CHST9: variants seen among roughly 807,000 people sequenced by gnomAD.
CHST9 encodes GalNAc-4-sulfotransferase 2.
In CHST9, 41 loss-of-function variants were observed where a neutral mutation model predicts 44.4. That is an observed-to-expected ratio of 0.92 (90% CI 0.72 to 1.20). CHST9 has a LOEUF of 1.20. Among genes scored for constraint, CHST9 ranks in the 50% most tolerant of loss-of-function variants. The pLI is 0.00. For synonymous variants in CHST9, 171 were observed against 178.4 expected (o/e 0.96, Z 0.33); for missense variants, 504 against 516.5 (o/e 0.98, Z 0.23).
rs565591680 is a variant in CHST9 at position 27,042,619 on chromosome 18, GC to G, written c.160+5845del. On this transcript the variant is annotated intron_variant, in intron 3 of 5. Coordinates refer to ENST00000618847, the MANE Select transcript of CHST9 (RefSeq NM_031422.6). ...AAGTAATTTAACCTTCCCAATCTCA[GC>G]TTTCCAATTTTTAAAATGTTGACCA... Among the ~76,000 whole-genome samples, 627 of 152,070 alleles carry G rather than the reference GC, an allele frequency of 4.1e-3. 5 individuals are homozygous for G. The highest frequency in any genetic ancestry group is 6.7e-3 in the Non-Finnish European group (458 of 67,962).
At chr18:26,966,665 C>A (rs180823520) in intron 4 of CHST9, among the ~76,000 whole-genome samples, 1 of 152,232 alleles carries the variant, frequency 6.6e-6, no homozygotes, top group Non-Finnish European at 1.5e-5. Flanking sequence ...TGGCCACAGA[C>A]CTTTCTGTCA....
intron 4 of CHST9, among the ~76,000 whole-genome samples, chr18:26,947,490 G>A (rs1480586638): frequency 1.3e-5 from 2 of 152,140 alleles, no homozygotes; most frequent in South Asian, 2.1e-4. Flanking sequence ...AGGAGAAAAT[G>A]TTTGCAATCT....
intron 4 of CHST9, among the ~76,000 whole-genome samples, chr18:26,949,801 C>G (rs1358429139): frequency 6.6e-6 from 1 of 152,064 alleles, no homozygotes; most frequent in African/African-American, 2.4e-5. Context: ...CATAAGAGTC[C>G]TTATAATAAA....
intron 4 of CHST9, among the ~76,000 whole-genome samples, chr18:26,965,872 G>A (rs1401487164): frequency 6.6e-6 from 1 of 152,044 alleles, no homozygotes; most frequent in African/African-American, 2.4e-5. Context: ...TCTCATAGGA[G>A]GACAAGAAAG....
chr18:26,943,725 G>C (rs2056118946), intron 5 of CHST9, among the ~76,000 whole-genome samples: 1 of 152,174 alleles, frequency 6.6e-6, no homozygotes, highest in African/African-American at 2.4e-5. Flanking sequence ...TTGTGTGGCT[G>C]CAGGTCTCAA....
In CHST9 at chr18:27,006,592, C is replaced by A. The variant is rs542657626; in HGVS notation, c.202+17524G>T. On this transcript the variant is annotated intron_variant, in intron 4 of 5. Coordinates refer to ENST00000618847, the MANE Select transcript of CHST9 (RefSeq NM_031422.6). ...TAGTGTCCTAGATAGCTGGAACAAT[C>A]GTTTGTTTCTAAAGCCCATTTCCCG... Among the ~76,000 whole-genome samples, 3 of 152,272 alleles carry A rather than the reference C, an allele frequency of 2.0e-5. No individual in the cohort carries two copies. In the East Asian group the frequency reaches 5.8e-4, roughly 29 times the overall value.
chr18:26,921,413 A>C (rs557409637), intron 5 of CHST9, among the ~76,000 whole-genome samples: 5 of 152,284 alleles, frequency 3.3e-5, no homozygotes, highest in South Asian at 4.2e-4. Flanking sequence ...CCAAATTGAG[A>C]TATGGGAAAA....
At chr18:27,051,350 T>C (rs2057564881) in intron 2 of CHST9, among the ~76,000 whole-genome samples, 1 of 151,336 alleles carries the variant, frequency 6.6e-6, no homozygotes, top group South Asian at 2.1e-4. Context: ...ACCAAGGAGT[T>C]TGAGGTTACC....
At chr18:27,114,126 G>A (rs983383145) in intron 2 of CHST9, among the ~76,000 whole-genome samples, 3 of 152,180 alleles carry the variant, frequency 2.0e-5, no homozygotes, top group African/African-American at 7.2e-5. Context: ...TTAGTGGACT[G>A]AAGTTTGAAA....
chr18:27,165,418 G>C (rs955493488), intron 1 of CHST9, among the ~76,000 whole-genome samples: 26 of 152,180 alleles, frequency 1.7e-4, no homozygotes, highest in African/African-American at 6.0e-4. Flanking sequence ...TGGAAGAATA[G>C]GAGGGTTGGA....
chr18:27,127,372 A>G (rs1222786649), intron 2 of CHST9, among the ~76,000 whole-genome samples: 2 of 152,354 alleles, frequency 1.3e-5, no homozygotes, highest in Admixed American at 6.5e-5. Flanking sequence ...GGAAAGTGGC[A>G]TGAAGTGGAC....
intron 2 of CHST9, among the ~76,000 whole-genome samples, chr18:27,141,591 CAAAAAAA>C (rs34920055): frequency 6.0e-5 from 3 of 50,098 alleles, no homozygotes; most frequent in African/African-American, 8.8e-5. Flanking sequence ...AATCCCGACT[CAAAAAAA>C]AAAAAAAAAA....
chr18:27,008,553 A>G (rs1370717688), intron 4 of CHST9, among the ~76,000 whole-genome samples: 1 of 152,232 alleles, frequency 6.6e-6, no homozygotes, highest in Non-Finnish European at 1.5e-5. Context: ...ACCACTTAAT[A>G]TATCTTTTGG....
At position 26,940,258 on chromosome 18, in the gene CHST9, G is replaced by A. The variant is rs2145108249; in HGVS notation, c.240+4071C>T. 1.3e-5 allele frequency among the ~76,000 whole-genome samples: 2 copies of A among 152,224 alleles called. 1 individual carries two copies. Among genetic ancestry groups the A allele is most frequent in the South Asian group, 4.2e-4 (2 of 4,816 alleles). ...CCTGTCTTTGCATGACTGTGTTTGT[G>A]ATGCTTGGAGACTCCTAAAGCCTGT... On this transcript the variant is annotated intron_variant, in intron 5 of 5. Coordinates refer to ENST00000618847, the MANE Select transcript of CHST9 (RefSeq NM_031422.6).
intron 5 of CHST9, among the ~76,000 whole-genome samples, chr18:26,919,492 CATG>C (rs1159829706): frequency 6.6e-6 from 1 of 152,260 alleles, no homozygotes; most frequent in East Asian, 1.9e-4. Flanking sequence ...ATAAAACTGC[CATG>C]ATATTTATAC....
At position 26,916,485 on chromosome 18, in the gene CHST9, T is replaced by A; in HGVS notation, c.1106A>T (p.Lys369Ile). 6.2e-7 allele frequency: 1 copy of A among 1,613,800 alleles called. No individual in the cohort carries two copies. The highest frequency in any genetic ancestry group is 1.1e-5 in the South Asian group (1 of 91,068). Residue 369 changes from lysine (K) to isoleucine (I), a missense_variant, in exon 6 of 6, where the codon AAA becomes ATA. Coordinates refer to ENST00000618847, the MANE Select transcript of CHST9 (RefSeq NM_031422.6). Reference sequence around the variant, plus strand: ...GGCATCTTCTTCCAAAGTCTCAAATTTCCCTACAAAATCATAGTTGATCAA... The same window carrying A: ...GGCATCTTCTTCCAAAGTCTCAAATATCCCTACAAAATCATAGTTGATCAA... ...PCLINYDFVGKFETLEEDANY... is the reference protein window; with the variant it reads ...PCLINYDFVGIFETLEEDANY...
At chr18:26,943,350 G>A (rs2056112483) in intron 5 of CHST9, among the ~76,000 whole-genome samples, 1 of 152,190 alleles carries the variant, frequency 6.6e-6, no homozygotes, top group Admixed American at 6.5e-5. Flanking sequence ...CAGGGCATCT[G>A]GCACAGATTG....
chr18:27,069,665 T>G (rs2057818225), intron 2 of CHST9, among the ~76,000 whole-genome samples: 1 of 152,200 alleles, frequency 6.6e-6, no homozygotes, highest in Non-Finnish European at 1.5e-5. Context: ...AGGGGCTATA[T>G]GCACTATAAC....
intron 4 of CHST9, among the ~76,000 whole-genome samples, chr18:27,018,572 A>G (rs2057182304): frequency 6.6e-6 from 1 of 152,164 alleles, no homozygotes; most frequent in Non-Finnish European, 1.5e-5. Context: ...AGGCTGGCAA[A>G]CAGTACTTTT....
Sources: allele counts gnomAD v4.1 joint callset (sites outside exome capture counted in the v4.1 genomes callset), GRCh38; gene constraint gnomAD v4.1.1; transcripts MANE v1.5; gene names NCBI Gene and HGNC (gene_info 2026-07-23, HGNC 2026-07-21).